SLC38A2: variants seen among roughly 807,000 people sequenced by gnomAD.
The protein encoded by SLC38A2 is sodium-coupled neutral amino acid symporter 2.
SLC38A2 carries 11 observed loss-of-function variants against 61.5 expected under a neutral mutation model. That is an observed-to-expected ratio of 0.18 (90% CI 0.11 to 0.30). SLC38A2 has a LOEUF of 0.30. Among genes scored for constraint, SLC38A2 ranks in the 10% least tolerant of loss-of-function variants. SLC38A2 has a pLI of 1.00. For missense variants in SLC38A2, 522 were observed against 600.4 expected (o/e 0.87, Z 1.36); for synonymous variants, 217 against 212.5 (o/e 1.02, Z -0.18).
chr12:46,362,540 T>C lies in SLC38A2; in HGVS notation c.1278A>G (p.Leu426=). The C allele has an allele frequency of 6.3e-7, 1 of 1,599,642 alleles. No individual in the cohort carries two copies. Among genetic ancestry groups the C allele is most frequent in the Non-Finnish European group, 8.5e-7 (1 of 1,176,532 alleles). The change falls in exon 14 of 16, where the codon TTA becomes TTG. Residue 426 remains leucine (L), a synonymous_variant. Transcript: ENST00000256689. ...ITVSILAFTN[L]LVIFVPTIRD... is the part of the protein sequence containing the mutation. ...TAATAGTTGGGACAAAGATGACAAG[T>C]AAATTGGTAAATGCCAAGATAGACA...
intron 7 of SLC38A2, 79 bp downstream of exon 7, chr12:46,366,785 G>C: frequency 8.0e-7 from 1 of 1,251,858 alleles, no homozygotes. Context: ...TAATCATTTT[G>C]TATACAACTT....
chr12:46,366,965 T>C lies in SLC38A2; in HGVS notation c.482-20A>G. ...ACATAGCTGGAGGAAAACAAAATTA[T>C]ACCATTACAAGTGCAAAACGCGGCA... is the stretch of plus-strand genomic sequence containing the variant. On this transcript the variant is annotated intron_variant, in intron 6 of 15. Coordinates refer to ENST00000256689, the MANE Select transcript of SLC38A2 (RefSeq NM_018976.5). The C allele has an allele frequency of 1.9e-6, 3 of 1,612,734 alleles. No individual in the cohort carries two copies. The highest frequency in any genetic ancestry group is 2.5e-6 in the Non-Finnish European group (3 of 1,179,360).
At chr12:46,367,383 G>T in intron 4 of SLC38A2, 43 bp from the exon 5 acceptor site, 1 of 1,039,408 alleles carries the variant, frequency 9.6e-7, no homozygotes, top group Non-Finnish European at 1.5e-6. Context: ...AATAAGCATG[G>T]CTATATTTAA....
intron 7 of SLC38A2, among the ~76,000 whole-genome samples, chr12:46,366,431 A>C (rs1170876362): frequency 6.6e-6 from 1 of 152,160 alleles, no homozygotes; most frequent in Non-Finnish European, 1.5e-5. Context: ...TGGCACTCAA[A>C]AAGTTTTGGA....
rs185102980 is a variant in SLC38A2 at position 46,367,680 on chromosome 12, G to T, written c.315-340C>A. Among the ~76,000 whole-genome samples the T allele has an allele frequency of 4.4e-3, 663 of 152,284 alleles. 4 individuals carry two copies. Among genetic ancestry groups the T allele is most frequent in the African/African-American group, 0.015 (625 of 41,550 alleles). ...ATTTTGATTCTGGCACCACAATAAT[G>T]AGCTGTATGCTTGCCACCTTTCTGC... On this transcript the variant is annotated intron_variant, in intron 4 of 15. Transcript: ENST00000256689.
In SLC38A2 at chr12:46,372,662, C is replaced by T. The variant is rs1040452307; in HGVS notation, c.-240G>A. The T allele has an allele frequency of 7.5e-6, 3 of 398,430 alleles. No individual in the cohort carries two copies. The highest frequency in any genetic ancestry group is 6.2e-5 in the African/African-American group (3 of 48,648). 24.7% of individuals were successfully genotyped at this position (398,430 alleles called of 1,614,324 possible). ...GGAAAAGACAAATTGCCGCCCCAATCCTCCGGCGTCCGCCGTGTCAAGGGA... is the reference window on the plus strand; with the variant it reads ...GGAAAAGACAAATTGCCGCCCCAATTCTCCGGCGTCCGCCGTGTCAAGGGA... On this transcript the variant is annotated 5_prime_UTR_variant, in exon 1 of 16. Coordinates refer to ENST00000256689, the MANE Select transcript of SLC38A2 (RefSeq NM_018976.5).
Position 46,362,524 on chromosome 12 carries a change from G to C in SLC38A2, c.1294C>G (p.Pro432Ala), listed in dbSNP as rs760945331. The C allele has an allele frequency of 6.3e-7, 1 of 1,598,292 alleles. No homozygotes were observed. The highest frequency in any genetic ancestry group is 1.1e-5 in the South Asian group (1 of 87,084). ...AAACCAAAGATATCCCTAATAGTTG[G>C]GACAAAGATGACAAGTAAATTGGTA... ...AFTNLLVIFV[P>A]TIRDIFGFIG... is the part of the protein sequence containing the mutation. Residue 432 changes from proline (P) to alanine (A), a missense_variant, in exon 14 of 16, where the codon CCA becomes GCA. Around this residue, in one of 3 missense-constraint regions of SLC38A2, gnomAD observed 309 missense variants for 343.9 expected, o/e 0.90. Transcript: ENST00000256689.
chr12:46,361,239 C>CAA (rs772957077), intron 15 of SLC38A2, 30 bp from the exon 16 acceptor site: 3 of 1,565,286 alleles, frequency 1.9e-6, no homozygotes, highest in Non-Finnish European at 2.6e-6. Flanking sequence ...AATTGATCAG[C>CAA]AAGTAATAAA....
intron 1 of SLC38A2, 23 bp downstream of exon 1, chr12:46,372,486 A>G: frequency 2.8e-6 from 1 of 351,450 alleles, no homozygotes; most frequent in Non-Finnish European, 5.1e-6. Context: ...CCCTTCCCAC[A>G]GACGCCCCCC....
At chr12:46,371,464 A>C in intron 1 of SLC38A2, 85 bp from the exon 2 acceptor site, 1 of 600,432 alleles carries the variant, frequency 1.7e-6, no homozygotes, top group Non-Finnish European at 2.9e-6. Context: ...AGCGCGGCTG[A>C]TTCATCCCAG....
Position 46,358,552 on chromosome 12 carries a change from T to C in SLC38A2, c.*2559A>G, listed in dbSNP as rs564490451. 6 of 152,700 alleles carry C rather than the reference T, an allele frequency of 3.9e-5. 2 individuals are homozygous for C. Among genetic ancestry groups the C allele is most frequent in the African/African-American group, 1.2e-4 (5 of 41,574 alleles). 9.5% of individuals were successfully genotyped at this position (152,700 alleles called of 1,614,324 possible). On this transcript the variant is annotated 3_prime_UTR_variant, in exon 16 of 16. Coordinates refer to ENST00000256689, the MANE Select transcript of SLC38A2 (RefSeq NM_018976.5). ...GTTTTTTTTAGTGTTTGTACACAATTTGTCAATTTTTCAATATTCAATTTT... is the reference window on the plus strand; with the variant it reads ...GTTTTTTTTAGTGTTTGTACACAATCTGTCAATTTTTCAATATTCAATTTT...
In SLC38A2 at chr12:46,371,360, G is replaced by C; in HGVS notation, c.-67C>G. ...GCTCCTTTTGTCCTTGGCGGTGGGT[G>C]CAGCGGCCCGCGAGTCGGCCTGCGA... On this transcript the variant is annotated 5_prime_UTR_variant, in exon 2 of 16. Transcript: ENST00000256689. The C allele has an allele frequency of 7.7e-7, 1 of 1,291,064 alleles. No individual in the cohort carries two copies. The highest frequency in any genetic ancestry group is 1.2e-5 in the South Asian group (1 of 82,920). The allele number at this position is 1,291,064 out of a possible 1,614,324, so 80.0% of individuals were successfully genotyped here. A position where few individuals can be genotyped will look rare whatever the true frequency, so the allele number is the denominator to read the frequency against.
rs953164566 is a variant in SLC38A2 at position 46,372,491 on chromosome 12, C to G, written c.-87+18G>C. ...GGGCCCCGCGCCCTTCCCACAGACG[C>G]CCCCCCGCACGCGTTACCTCGGTGG... On this transcript the variant is annotated intron_variant, in intron 1 of 15. Transcript: ENST00000256689. 1 of 383,040 alleles carries G rather than the reference C, an allele frequency of 2.6e-6. No homozygotes were observed. The highest frequency in any genetic ancestry group is 1.4e-4 in the South Asian group (1 of 6,898). The allele number at this position is 383,040 out of a possible 1,614,324, so 23.7% of individuals were successfully genotyped here.
rs1022672007 is a variant in SLC38A2 at position 46,371,037 on chromosome 12, G to A, written c.116+141C>T. 6 of 859,194 alleles carry A rather than the reference G, an allele frequency of 7.0e-6. No individual in the cohort carries two copies. In the African/African-American group the frequency reaches 1.0e-4, roughly 15 times the overall value. 53.2% of individuals were successfully genotyped at this position (859,194 alleles called of 1,614,324 possible). On this transcript the variant is annotated intron_variant, in intron 2 of 15. Coordinates refer to ENST00000256689, the MANE Select transcript of SLC38A2 (RefSeq NM_018976.5). ...ACCAGCTATCTTGTCATTACAACAA[G>A]ATAATCGGATACTCTTTCAGAGATT...
rs762980875 is a variant in SLC38A2, at chr12:46,364,668, C to T, written c.681G>A (p.Leu227=). The T allele has an allele frequency of 5.6e-6, 9 of 1,610,574 alleles. No homozygotes were observed. The highest frequency in any genetic ancestry group is 7.6e-6 in the Non-Finnish European group (9 of 1,178,556). The part of the protein sequence containing the change: ...YLGYTSGLSL[L]CMVFFLIVVI... ...CCACAATCAGAAAGAACACCATACA[C>T]AACAAGGAAAGGCCACTGGTATATC... The change falls in exon 9 of 16, where the codon TTG becomes TTA. Residue 227 remains leucine (L), a synonymous_variant. Transcript: ENST00000256689.
At chr12:46,368,172 T>C (rs1247469662) in intron 4 of SLC38A2, among the ~76,000 whole-genome samples, 1 of 152,020 alleles carries the variant, frequency 6.6e-6, no homozygotes, top group African/African-American at 2.4e-5. Flanking sequence ...AACATGATAC[T>C]AACATTTTAA....
rs1248304161 is a variant in SLC38A2 at position 46,372,723 on chromosome 12, C to A, written c.-301G>T. The A allele has an allele frequency of 1.0e-5, 4 of 398,372 alleles. No individual in the cohort carries two copies. The highest frequency in any genetic ancestry group is 1.8e-5 in the Non-Finnish European group (4 of 225,960). 24.7% of individuals were successfully genotyped at this position (398,372 alleles called of 1,614,324 possible). A position where few individuals can be genotyped will look rare whatever the true frequency, so the allele number is the denominator to read the frequency against. On this transcript the variant is annotated 5_prime_UTR_variant, in exon 1 of 16. Transcript: ENST00000256689. The stretch of plus-strand genomic sequence containing the variant: ...CGTGCGGTAACGCGTGGTCGGGCTG[C>A]TGCTAGCAGTACTGGAAAGGCGTTC...
rs576343138 is a variant in SLC38A2, at chr12:46,358,370, C to T, written c.*2741G>A. 1.3e-5 allele frequency: 2 copies of T among 152,124 alleles called. No individual in the cohort carries two copies. Among genetic ancestry groups the T allele is most frequent in the South Asian group, 4.1e-4 (2 of 4,822 alleles). The allele number at this position is 152,124 out of a possible 1,614,324, so 9.4% of individuals were successfully genotyped here. A position where few individuals can be genotyped will look rare whatever the true frequency, so the allele number is the denominator to read the frequency against. ...CCAGGTTCTCAAAGGTCTTCCATTACACTAGATCACATTTTATTTCATTAC... is the reference window on the plus strand; with the variant it reads ...CCAGGTTCTCAAAGGTCTTCCATTATACTAGATCACATTTTATTTCATTAC... On this transcript the variant is annotated 3_prime_UTR_variant, in exon 16 of 16. Coordinates refer to ENST00000256689, the MANE Select transcript of SLC38A2 (RefSeq NM_018976.5).
chr12:46,367,176 T>C lies in SLC38A2; in HGVS notation c.389-8A>G. The C allele has an allele frequency of 6.2e-7, 1 of 1,609,922 alleles. No individual in the cohort carries two copies. Among genetic ancestry groups the C allele is most frequent in the Admixed American group, 1.7e-5 (1 of 59,870 alleles). On this transcript the variant is annotated splice_region_variant and splice_polypyrimidine_tract_variant and intron_variant, in intron 5 of 15. Coordinates refer to ENST00000256689, the MANE Select transcript of SLC38A2 (RefSeq NM_018976.5). ...GTTCATATAATAAAGACCCTACAATTTGAAGACAGAAGCATGAAGCCAAGG... is the reference window on the plus strand; with the variant it reads ...GTTCATATAATAAAGACCCTACAATCTGAAGACAGAAGCATGAAGCCAAGG...
Sources: gnomAD v4.1 joint callset for allele counts (sites outside exome capture counted in the v4.1 genomes callset) on GRCh38, gnomAD v4.1.1 for gene constraint, gnomAD v4.1.1 regional missense constraint, MANE v1.5 for transcripts, NCBI Gene and HGNC (gene_info 2026-07-23, HGNC 2026-07-21) for gene names.